Variants in ADAMTS18 observed in about 807,000 individuals in gnomAD.
The protein encoded by ADAMTS18 is ADAM metallopeptidase with thrombospondin type 1 motif 18.
A neutral mutation model predicts 165.9 loss-of-function variants in ADAMTS18; 157 were observed. The observed-to-expected ratio is 0.95, with a 90% CI of 0.83 to 1.08. The LOEUF (loss-of-function observed/expected upper bound fraction) is 1.08. Ranked by LOEUF, ADAMTS18 falls within the 50% of genes least tolerant of loss-of-function variation. ADAMTS18 has a pLI of 0.00. For synonymous variants in ADAMTS18, 782 were observed against 578.2 expected (o/e 1.35, Z -5.06); for missense variants, 2,040 against 1,534.0 (o/e 1.33, Z -5.51).
At chr16:77,318,863 G>T (rs1304802543) in intron 16 of ADAMTS18, among the ~76,000 whole-genome samples, 1 of 152,028 alleles carries the variant, frequency 6.6e-6, no homozygotes, top group African/African-American at 2.4e-5. Context: ...AAGAGTAGCT[G>T]GATATGCAAG....
chr16:77,419,146 C>T (rs543239381), intron 3 of ADAMTS18, among the ~76,000 whole-genome samples: 5 of 101,408 alleles, frequency 4.9e-5, no homozygotes, highest in Non-Finnish European at 1.3e-4. Context: ...TAGACTCCAT[C>T]TCAGGGGGAA....
intron 3 of ADAMTS18, among the ~76,000 whole-genome samples, chr16:77,405,110 A>G (rs2057377258): frequency 6.6e-6 from 1 of 152,318 alleles, no homozygotes. Context: ...AGACAAAGGG[A>G]GCATTTGTCT....
intron 3 of ADAMTS18, among the ~76,000 whole-genome samples, chr16:77,428,452 A>G (rs2144862301): frequency 6.6e-6 from 1 of 152,346 alleles, no homozygotes; most frequent in South Asian, 2.1e-4. Context: ...AGAACAATGC[A>G]AACTACACCC....
intron 10 of ADAMTS18, among the ~76,000 whole-genome samples, chr16:77,349,524 TAAAAAAAAAAAA>T (rs767997537): frequency 2.8e-5 from 2 of 71,518 alleles, no homozygotes; most frequent in Non-Finnish European, 5.0e-5. Context: ...TCATCTTATG[TAAAAAAAAAAAA>T]AAAAAAAAAA....
intron 3 of ADAMTS18, among the ~76,000 whole-genome samples, chr16:77,426,662 T>C (rs919899455): frequency 1.3e-5 from 2 of 152,232 alleles, no homozygotes; most frequent in Non-Finnish European, 2.9e-5. Flanking sequence ...TGCATCTTGT[T>C]GGTAAGCTTC....
chr16:77,335,975 T>C, intron 11 of ADAMTS18, 71 bp from the exon 12 acceptor site: 1 of 1,582,640 alleles, frequency 6.3e-7, no homozygotes, highest in Non-Finnish European at 8.7e-7. Context: ...TGCCAACACC[T>C]GCACAGTAAC....
At chr16:77,378,655 C>G (rs892591719) in intron 3 of ADAMTS18, among the ~76,000 whole-genome samples, 1 of 152,030 alleles carries the variant, frequency 6.6e-6, no homozygotes, top group African/African-American at 2.4e-5. Context: ...ACGGAGGTTG[C>G]AGTGAGCCCA....
chr16:77,323,572 T>A (rs545202202), intron 13 of ADAMTS18, among the ~76,000 whole-genome samples: 69 of 137,602 alleles, frequency 5.0e-4, no homozygotes, highest in African/African-American at 7.5e-4. Flanking sequence ...TTTTTTTTTT[T>A]AAAAGCACAG....
chr16:77,295,373 A>G (rs72628224), intron 18 of ADAMTS18, among the ~76,000 whole-genome samples: 16,767 of 152,074 alleles, frequency 0.11, 994 homozygotes, highest in East Asian at 0.2. Context: ...GAGAAGAAAT[A>G]CATGCCACTT....
At chr16:77,325,377 G>A (rs1377235028) in intron 13 of ADAMTS18, among the ~76,000 whole-genome samples, 1 of 152,090 alleles carries the variant, frequency 6.6e-6, no homozygotes, top group African/African-American at 2.4e-5. Flanking sequence ...TAAGTACCAA[G>A]AACCTAGTAT....
chr16:77,309,784 G>C (rs902252525), intron 16 of ADAMTS18, among the ~76,000 whole-genome samples: 1 of 152,066 alleles, frequency 6.6e-6, no homozygotes, highest in Non-Finnish European at 1.5e-5. Flanking sequence ...GGAATGATTG[G>C]CAAACTCAAC....
At chr16:77,359,138 G>A (rs2056673595) in intron 8 of ADAMTS18, among the ~76,000 whole-genome samples, 180 bp downstream of exon 8, 1 of 152,206 alleles carries the variant, frequency 6.6e-6, no homozygotes, top group African/African-American at 2.4e-5. Context: ...GCTGTTTAAA[G>A]AGAATGAAAT....
rs888061668 is a variant in ADAMTS18 at position 77,282,533 on chromosome 16, C to A, written c.*1423G>T. 12 of 152,592 alleles carry A rather than the reference C, an allele frequency of 7.9e-5. No homozygotes were observed. In the East Asian group the frequency reaches 2.3e-3, roughly 29 times the overall value. 9.5% of individuals were successfully genotyped at this position (152,592 alleles called of 1,614,324 possible). A position where few individuals can be genotyped will look rare whatever the true frequency, so the allele number is the denominator to read the frequency against. On this transcript the variant is annotated 3_prime_UTR_variant, in exon 23 of 23. Coordinates refer to ENST00000282849, the MANE Select transcript of ADAMTS18 (RefSeq NM_199355.4). ...GTATGCTGCTAAATTTAACAAACCA[C>A]TGTCTAGTTGATTATGCTGAGCTGG...
At chr16:77,358,336 G>A (rs1202806446) in intron 8 of ADAMTS18, among the ~76,000 whole-genome samples, 1 of 152,172 alleles carries the variant, frequency 6.6e-6, no homozygotes, top group Non-Finnish European at 1.5e-5. Flanking sequence ...AGCACTTTGG[G>A]AAACCGAGGT....
chr16:77,394,667 C>T (rs915573386), intron 3 of ADAMTS18, among the ~76,000 whole-genome samples: 1 of 152,262 alleles, frequency 6.6e-6, no homozygotes, highest in Non-Finnish European at 1.5e-5. Context: ...AAATAGCGTT[C>T]TCACCCAAAA....
rs1371919322 is a variant in ADAMTS18 at position 77,295,131 on chromosome 16, T to G, written c.2802-4A>C. On this transcript the variant is annotated splice_polypyrimidine_tract_variant and splice_region_variant and intron_variant, in intron 18 of 22. Transcript: ENST00000282849. ...ACTCCATTCACCTGGCATCCAGCTT[T>G]CAGTGCAAAACAAACATTACCAATG... The G allele has an allele frequency of 6.2e-7, 1 of 1,614,146 alleles. No individual in the cohort carries two copies. The highest frequency in any genetic ancestry group is 8.5e-7 in the Non-Finnish European group (1 of 1,180,006).
At chr16:77,349,113 A>C (rs2056518472) in intron 10 of ADAMTS18, among the ~76,000 whole-genome samples, 1 of 152,196 alleles carries the variant, frequency 6.6e-6, no homozygotes, top group Admixed American at 6.5e-5. Flanking sequence ...CATGCTAGGA[A>C]GTTTCTAATT....
intron 3 of ADAMTS18, among the ~76,000 whole-genome samples, chr16:77,390,596 A>G (rs1216528598): frequency 1.3e-5 from 2 of 152,100 alleles, no homozygotes; most frequent in African/African-American, 4.8e-5. Flanking sequence ...AGGCTGAGGC[A>G]GGAGAATTGC....
chr16:77,336,761 T>C (rs911096190), intron 11 of ADAMTS18, among the ~76,000 whole-genome samples: 2 of 152,182 alleles, frequency 1.3e-5, no homozygotes, highest in Non-Finnish European at 2.9e-5. Context: ...CCTCTGGTAG[T>C]GTTTCTTTTG....
Sources: gnomAD v4.1 joint callset for allele counts (sites outside exome capture counted in the v4.1 genomes callset) on GRCh38, gnomAD v4.1.1 for gene constraint, MANE v1.5 for transcripts, NCBI Gene and HGNC (gene_info 2026-07-23, HGNC 2026-07-21) for gene names.